Variants in CUBN observed in about 807,000 individuals in gnomAD.
CUBN encodes the protein cubilin, also known as 460 kDa receptor.
Under a neutral mutation model 405.3 loss-of-function variants are expected in CUBN, and 282 were observed. That is an observed-to-expected ratio of 0.70 (90% CI 0.63 to 0.77). The LOEUF (loss-of-function observed/expected upper bound fraction) is 0.77, where lower values mean the gene tolerates loss of function less well. Ranked by LOEUF, CUBN falls within the 30% of genes least tolerant of loss-of-function variation. CUBN has a pLI of 0.00. For synonymous variants in CUBN, 1,684 were observed against 1,617.0 expected (o/e 1.04, Z -0.99); for missense variants, 4,514 against 4,475.2 (o/e 1.01, Z -0.25).
intron 32 of CUBN, among the ~76,000 whole-genome samples, chr10:16,953,923 GA>G (rs1332887935): frequency 1.3e-5 from 2 of 150,206 alleles, no homozygotes; most frequent in Non-Finnish European, 3.0e-5. Context: ...AAGAGGGGAG[GA>G]AGGGAGGGAA....
In CUBN at chr10:17,128,048, T is replaced by A. The variant is rs189256370; in HGVS notation, c.253-124A>T. 278 of 660,924 alleles carry A rather than the reference T, an allele frequency of 4.2e-4. No homozygotes were observed. In the East Asian group the frequency reaches 6.4e-3, roughly 15 times the overall value. The allele number at this position is 660,924 out of a possible 1,614,324, so 40.9% of individuals were successfully genotyped here. On this transcript the variant is annotated intron_variant, in intron 2 of 66. Coordinates refer to ENST00000377833, the MANE Select transcript of CUBN (RefSeq NM_001081.4). ...TAAGCACTAAGATCTTGCCTATTAT[T>A]ATAAAAACCAAAACAACACCATGCG...
intron 15 of CUBN, among the ~76,000 whole-genome samples, 187 bp downstream of exon 15, chr10:17,087,977 A>C (rs1435616873): frequency 2.0e-5 from 3 of 152,174 alleles, no homozygotes; most frequent in Non-Finnish European, 4.4e-5. Flanking sequence ...AATGGAACCC[A>C]GAAGAAGAAG....
chr10:16,971,372 C>T (rs976296283), intron 31 of CUBN, among the ~76,000 whole-genome samples: 3 of 152,224 alleles, frequency 2.0e-5, no homozygotes, highest in African/African-American at 7.2e-5. Flanking sequence ...GGACAACTAA[C>T]TAACAAGCTT....
At chr10:17,103,288 G>C (rs759311055) in intron 12 of CUBN, 51 bp from the exon 13 acceptor site, 2 of 1,170,902 alleles carry the variant, frequency 1.7e-6, no homozygotes, top group Non-Finnish European at 2.6e-6. Flanking sequence ...AAAAGGAAGA[G>C]GTTGGGCAAC....
intron 31 of CUBN, among the ~76,000 whole-genome samples, chr10:16,956,934 T>C (rs749864491): frequency 5.3e-5 from 8 of 152,182 alleles, no homozygotes; most frequent in Non-Finnish European, 5.9e-5. Context: ...GATAGTGTGA[T>C]GTTTCAATAC....
chr10:17,125,490 C>T (rs1837159698), intron 4 of CUBN, among the ~76,000 whole-genome samples: 1 of 152,190 alleles, frequency 6.6e-6, no homozygotes, highest in African/African-American at 2.4e-5. Context: ...GCTAGCACAA[C>T]AATTGGCTCT....
At chr10:17,007,626 G>A (rs1052652439) in intron 28 of CUBN, among the ~76,000 whole-genome samples, 5 of 152,028 alleles carry the variant, frequency 3.3e-5, no homozygotes, top group Admixed American at 2.0e-4. Flanking sequence ...AGTCCAGTGG[G>A]GAGGGTGGGG....
chr10:16,830,338 C>A (rs7087360), intron 65 of CUBN, among the ~76,000 whole-genome samples: 33,684 of 152,086 alleles, frequency 0.22, 4,528 homozygotes, highest in African/African-American at 0.39. Context: ...TTATAGAACG[C>A]TTTTCTTAAG....
rs145874679 is a variant in CUBN, at chr10:17,020,084, G to GT, written c.4018-102dup. On this transcript the variant is annotated intron_variant, in intron 27 of 66. Transcript: ENST00000377833. ...GCAAAAGCTGTTCCTTGGTTCAAAA[G>GT]TTAGAGGTAAATCTGCTGAGGTGGG... 5.2e-6 allele frequency: 7 copies of GT among 1,347,754 alleles called. No individual in the cohort carries two copies. The East Asian group carries it at 1.4e-4, about 27-fold the overall frequency. 83.5% of individuals were successfully genotyped at this position (1,347,754 alleles called of 1,614,324 possible).
At chr10:16,918,911 TA>T in intron 44 of CUBN, 111 bp from the exon 45 acceptor site, 1 of 1,017,578 alleles carries the variant, frequency 9.8e-7, no homozygotes, top group Non-Finnish European at 1.5e-6. Context: ...TTTCTTAGCA[TA>T]AAAAACTATG....
At chr10:17,112,393 T>C (rs1836791553) in intron 8 of CUBN, among the ~76,000 whole-genome samples, 1 of 152,024 alleles carries the variant, frequency 6.6e-6, no homozygotes, top group Admixed American at 6.5e-5. Context: ...AAGCAGCATA[T>C]ATTGCTTTGC....
chr10:16,952,529 G>C, intron 32 of CUBN, 140 bp from the exon 33 acceptor site: 1 of 669,598 alleles, frequency 1.5e-6, no homozygotes, highest in Non-Finnish European at 2.8e-6. Context: ...TCTCCATAAG[G>C]AGAGCTGTAC....
At chr10:16,860,051 C>T (rs1216028135) in intron 59 of CUBN, among the ~76,000 whole-genome samples, 10 of 151,724 alleles carry the variant, frequency 6.6e-5, no homozygotes, top group Non-Finnish European at 1.3e-4. Flanking sequence ...ACAAGAGTCA[C>T]AGGATGTATA....
At chr10:16,876,812 T>C in intron 57 of CUBN, 85 bp downstream of exon 57, 1 of 1,130,104 alleles carries the variant, frequency 8.8e-7, no homozygotes, top group Non-Finnish European at 1.3e-6. Context: ...TTCAAGTTAG[T>C]GCTGTATGAA....
Position 16,840,967 on chromosome 10 carries a change from A to G in CUBN, c.9744T>C (p.Ser3248=), listed in dbSNP as rs750620959. The change falls in exon 61 of 67, where the codon TCT becomes TCC. Residue 3248 remains serine, a synonymous_variant. Transcript: ENST00000377833. The part of the protein sequence containing the change: ...GSTVPAPFIS[S]GNFLTVQFIS... ...TGAATTGAACCGTAAGGAAGTTACCAGAAGAGATAAAAGGAGCAGGTACTG... is the reference window on the plus strand; with the variant it reads ...TGAATTGAACCGTAAGGAAGTTACCGGAAGAGATAAAAGGAGCAGGTACTG... 8.1e-6 allele frequency: 13 copies of G among 1,613,960 alleles called. No homozygotes were observed. In the South Asian group the frequency reaches 1.4e-4, roughly 18 times the overall value.
At chr10:16,906,756 G>C (rs535530863) in intron 49 of CUBN, among the ~76,000 whole-genome samples, 3 of 151,858 alleles carry the variant, frequency 2.0e-5, no homozygotes, top group Non-Finnish European at 4.4e-5. Flanking sequence ...CTAATGGCTT[G>C]ATTAGCAATT....
Position 16,898,066 on chromosome 10 carries a change from G to GTATATATATATA in CUBN, c.8598+918_8598+929dup, listed in dbSNP as rs10551726. Among the ~76,000 whole-genome samples, 786 of 144,992 alleles carry GTATATATATATA rather than the reference G, an allele frequency of 5.4e-3. 12 individuals are homozygous for GTATATATATATA. Among genetic ancestry groups the GTATATATATATA allele is most frequent in the African/African-American group, 0.018 (688 of 39,246 alleles). On this transcript the variant is annotated intron_variant, in intron 54 of 66. Coordinates refer to ENST00000377833, the MANE Select transcript of CUBN (RefSeq NM_001081.4). The stretch of plus-strand genomic sequence containing the variant: ...GTATATTAAATGTATTTTATTATAT[G>GTATATATATATA]TATATATATATATATATATATGTTA...
chr10:16,957,339 C>A (rs1446778396), intron 31 of CUBN, among the ~76,000 whole-genome samples: 1 of 152,196 alleles, frequency 6.6e-6, no homozygotes, highest in Non-Finnish European at 1.5e-5. Context: ...GTCCTTCAGG[C>A]TCATCCATGA....
Position 16,841,024 on chromosome 10 carries a change from A to C in CUBN, c.9687T>G (p.Asn3229Lys), listed in dbSNP as rs1839332262. 1 of 1,614,152 alleles carries C rather than the reference A, an allele frequency of 6.2e-7. No homozygotes were observed. Among genetic ancestry groups the C allele is most frequent in the Admixed American group, 1.7e-5 (1 of 60,012 alleles). ...YVKLYDGDSE[N>K]ANLAGTFCGS... The stretch of plus-strand genomic sequence containing the variant: ...CACAAAACGTTCCAGCCAAGTTCGC[A>C]TTTTCACTATCCCCATCATATAACT... Residue 3229 changes from asparagine (N) to lysine (K), a missense_variant, in exon 61 of 67, where the codon AAT becomes AAG. This residue lies in a region of CUBN where 1,186 missense variants were observed against 1,186.9 expected (regional missense o/e 1.00). Transcript: ENST00000377833.
Sources: gnomAD v4.1 joint callset for allele counts (sites outside exome capture counted in the v4.1 genomes callset) on GRCh38, gnomAD v4.1.1 for gene constraint, gnomAD v4.1.1 regional missense constraint, MANE v1.5 for transcripts, NCBI Gene and HGNC (gene_info 2026-07-23, HGNC 2026-07-21) for gene names.